Variants in CLEC3B observed in about 807,000 individuals in gnomAD.
CLEC3B encodes the protein C-type lectin domain family 3 member B.
A neutral mutation model predicts 15.4 loss-of-function variants in CLEC3B; 13 were observed. The observed-to-expected ratio is 0.84, with a 90% CI of 0.55 to 1.34. The LOEUF (loss-of-function observed/expected upper bound fraction) is 1.34. Among genes scored for constraint, CLEC3B ranks in the 40% most tolerant of loss-of-function variants. The probability of loss-of-function intolerance (pLI) is 0.00; values close to 1 mark genes in which losing one functional copy is unlikely to be tolerated. For missense variants in CLEC3B, 242 were observed against 268.6 expected (o/e 0.90, Z 0.69); for synonymous variants, 112 against 114.7 (o/e 0.98, Z 0.15).
chr3:45,028,152 A>G (rs1190866283), intron 1 of CLEC3B, among the ~76,000 whole-genome samples: 1 of 152,180 alleles, frequency 6.6e-6, no homozygotes, highest in Non-Finnish European at 1.5e-5. Flanking sequence ...CCACGTAGGC[A>G]CCAGTCTATA....
chr3:45,029,999 G>A lies in CLEC3B; in HGVS notation c.110-828G>A, dbSNP rs189842766. The stretch of plus-strand genomic sequence containing the variant: ...TTCCAGGCCAGCCCTGCCAGCTGGG[G>A]CTCTGCCATCCTCGGCCAGTTGGTT... On this transcript the variant is annotated intron_variant, in intron 1 of 2. Transcript: ENST00000296130. The A allele has an allele frequency of 2.5e-3, 496 of 196,714 alleles. 3 individuals carry two copies. The highest frequency in any genetic ancestry group is 3.4e-3 in the Non-Finnish European group (375 of 108,808). 12.2% of individuals were successfully genotyped at this position (196,714 alleles called of 1,614,324 possible).
chr3:45,034,332 C>T (rs796333899), intron 2 of CLEC3B: 78 of 152,358 alleles, frequency 5.1e-4, no homozygotes, highest in African/African-American at 1.6e-3. Flanking sequence ...TGTAATGCTT[C>T]AGGCCCCATG....
rs758667999 is a variant in CLEC3B, at chr3:45,035,536, G to A, written c.221G>A (p.Gly74Glu). The change falls in exon 3 of 3, where the codon GGG becomes GAG. Residue 74 changes from glycine to glutamate, a missense_variant. Physicochemically the swap from Gly to Glu is moderately conservative, Grantham distance 98. Transcript: ENST00000296130. The stretch of plus-strand genomic sequence containing the variant: ...TCCCCACTCCCAGTCTGCCTGAAGG[G>A]GACCAAGGTGCACATGAAATGCTTT... Reference protein sequence around the residue: ...QQALQTVCLKGTKVHMKCFLA... With the variant: ...QQALQTVCLKETKVHMKCFLA... 33 of 1,605,140 alleles carry A rather than the reference G, an allele frequency of 2.1e-5. No homozygotes were observed. The highest frequency in any genetic ancestry group is 2.8e-5 in the Non-Finnish European group (33 of 1,174,366).
Position 45,035,595 on chromosome 3 carries a change from G to A in CLEC3B, c.280G>A (p.Ala94Thr). 6.2e-7 allele frequency: 1 copy of A among 1,614,080 alleles called. No homozygotes were observed. Among genetic ancestry groups the A allele is most frequent in the Non-Finnish European group, 8.5e-7 (1 of 1,180,006 alleles). The change falls in exon 3 of 3, where the codon GCC (alanine) becomes ACC (threonine). Residue 94 changes from alanine (A) to threonine (T), a missense_variant. Transcript: ENST00000296130. ...AFTQTKTFHEASEDCISRGGT... is the reference protein window; with the variant it reads ...AFTQTKTFHETSEDCISRGGT... ...CACCCAGACGAAGACCTTCCACGAGGCCAGCGAGGACTGCATCTCGCGCGG... is the reference window on the plus strand; with the variant it reads ...CACCCAGACGAAGACCTTCCACGAGACCAGCGAGGACTGCATCTCGCGCGG...
intron 1 of CLEC3B, among the ~76,000 whole-genome samples, chr3:45,028,207 T>TGC (rs1332958176): frequency 1.3e-5 from 2 of 152,194 alleles, no homozygotes; most frequent in East Asian, 3.9e-4. Flanking sequence ...TCTTAAGACA[T>TGC]GAACCATGGT....
At chr3:45,029,578 A>G (rs906128945) in intron 1 of CLEC3B, among the ~76,000 whole-genome samples, 1 of 152,088 alleles carries the variant, frequency 6.6e-6, no homozygotes, top group African/African-American at 2.4e-5. Context: ...TATATACACA[A>G]CCATGTGTCT....
chr3:45,029,533 T>C (rs1217673604), intron 1 of CLEC3B, among the ~76,000 whole-genome samples: 1 of 152,204 alleles, frequency 6.6e-6, no homozygotes, highest in Non-Finnish European at 1.5e-5. Flanking sequence ...TCAGGGTGTT[T>C]TTGCTCCAGT....
At chr3:45,029,558 C>T (rs567088316) in intron 1 of CLEC3B, among the ~76,000 whole-genome samples, 1 of 152,310 alleles carries the variant, frequency 6.6e-6, no homozygotes, top group African/African-American at 2.4e-5. Flanking sequence ...TAAGTTACAT[C>T]GCTAATTTCT....
intron 2 of CLEC3B, among the ~76,000 whole-genome samples, chr3:45,034,250 C>T (rs190358142): frequency 2.6e-4 from 40 of 152,296 alleles, no homozygotes; most frequent in South Asian, 1.7e-3. Flanking sequence ...CAATGAAGGC[C>T]GCTTGGCTAA....
Position 45,035,650 on chromosome 3 carries a change from C to T in CLEC3B, c.335C>T (p.Ser112Leu), listed in dbSNP as rs1697630873. The T allele has an allele frequency of 6.2e-7, 1 of 1,613,724 alleles. No homozygotes were observed. The highest frequency in any genetic ancestry group is 8.5e-7 in the Non-Finnish European group (1 of 1,180,020). The change falls in exon 3 of 3, where the codon TCG becomes TTG. Residue 112 changes from serine to leucine, a missense_variant. Ser to Leu is a moderately radical substitution (Grantham distance 145). Transcript: ENST00000296130. ...ACCCTGGGCACCCCTCAGACTGGCT[C>T]GGAGAACGACGCCCTGTATGAGTAC... ...GGTLGTPQTG[S>L]ENDALYEYLR...
chr3:45,029,443 G>A (rs988413608), intron 1 of CLEC3B, among the ~76,000 whole-genome samples: 4 of 152,168 alleles, frequency 2.6e-5, no homozygotes, highest in Non-Finnish European at 4.4e-5. Flanking sequence ...TATAACTGGT[G>A]GAGGCAGTCT....
At position 45,026,785 on chromosome 3, in the gene CLEC3B, C is replaced by G. The variant is rs575688094; in HGVS notation, c.109+314C>G. ...CCTGGGAGTCTGGCAGCGCTCAGCC[C>G]TTACCAGGGAGAGCTGCACAGGCTG... On this transcript the variant is annotated intron_variant, in intron 1 of 2. Transcript: ENST00000296130. Among the ~76,000 whole-genome samples the G allele has an allele frequency of 1.8e-4, 27 of 152,320 alleles. No individual in the cohort carries two copies. The South Asian group carries it at 3.7e-3, about 21-fold the overall frequency.
At chr3:45,030,093 G>C (rs1279396961) in intron 1 of CLEC3B, 1 of 819,108 alleles carries the variant, frequency 1.2e-6, no homozygotes, top group Non-Finnish European at 1.5e-6. Context: ...TGTGTCATAG[G>C]GTTGATTATG....
At chr3:45,028,875 C>A (rs1477986557) in intron 1 of CLEC3B, among the ~76,000 whole-genome samples, 1 of 152,196 alleles carries the variant, frequency 6.6e-6, no homozygotes, top group Non-Finnish European at 1.5e-5. Flanking sequence ...AGTCCTTGTC[C>A]TGGCCCTCAG....
intron 2 of CLEC3B, among the ~76,000 whole-genome samples, chr3:45,032,937 G>T (rs797021904): frequency 5.1e-4 from 78 of 152,278 alleles, no homozygotes; most frequent in African/African-American, 1.6e-3. Context: ...TCATTTATAG[G>T]GAACGTAGTC....
intron 2 of CLEC3B, among the ~76,000 whole-genome samples, chr3:45,032,023 C>A (rs1033306204): frequency 1.3e-5 from 2 of 151,964 alleles, no homozygotes; most frequent in Admixed American, 6.6e-5. Flanking sequence ...CCGAGAAGGA[C>A]CTTGTGACAG....
rs1311604050 is a variant in CLEC3B at position 45,030,935 on chromosome 3, G to T, written c.208+10G>T. ...CAGGCCCTGCAGACGGGTGAGTGCA[G>T]GCAGTAGCCTCTCTGGGCAGGAGCG... On this transcript the variant is annotated intron_variant, in intron 2 of 2. Transcript: ENST00000296130. 1 of 1,553,520 alleles carries T rather than the reference G, an allele frequency of 6.4e-7. No homozygotes were observed. The highest frequency in any genetic ancestry group is 1.9e-5 in the Admixed American group (1 of 51,950).
chr3:45,036,070 G>A lies in CLEC3B; in HGVS notation c.*146G>A, dbSNP rs371114619. ...AAAGTTGGTGCAGCTTCGCGGAGAG[G>A]AGAGGCGCTGCAGTCTGTGCTGTGT... On this transcript the variant is annotated 3_prime_UTR_variant, in exon 3 of 3. Coordinates refer to ENST00000296130, the MANE Select transcript of CLEC3B (RefSeq NM_003278.3). 6.3e-4 allele frequency: 626 copies of A among 992,432 alleles called. 9 individuals are homozygous for A. In the South Asian group the frequency reaches 0.01, roughly 16 times the overall value. 61.5% of individuals were successfully genotyped at this position (992,432 alleles called of 1,614,324 possible).
Position 45,036,027 on chromosome 3 carries a change from G to T in CLEC3B, c.*103G>T. ...AGCCCCCATCCTCTCCGTGCGCTTGGAGCCTCTTTTTGCAAATAAAGTTGG... is the reference window on the plus strand; with the variant it reads ...AGCCCCCATCCTCTCCGTGCGCTTGTAGCCTCTTTTTGCAAATAAAGTTGG... On this transcript the variant is annotated 3_prime_UTR_variant, in exon 3 of 3. Transcript: ENST00000296130. The T allele has an allele frequency of 7.6e-7, 1 of 1,312,100 alleles. No homozygotes were observed. 81.3% of individuals were successfully genotyped at this position (1,312,100 alleles called of 1,614,324 possible). A position where few individuals can be genotyped will look rare whatever the true frequency, so the allele number is the denominator to read the frequency against.
Sources: gnomAD v4.1 joint callset for allele counts (sites outside exome capture counted in the v4.1 genomes callset) on GRCh38, gnomAD v4.1.1 for gene constraint, MANE v1.5 for transcripts, NCBI Gene and HGNC (gene_info 2026-07-23, HGNC 2026-07-21) for gene names.